CACNA2D3: variants seen among roughly 807,000 people sequenced by gnomAD.
CACNA2D3 encodes calcium voltage-gated channel auxiliary subunit alpha2delta 3.
Under a neutral mutation model 160.6 loss-of-function variants are expected in CACNA2D3, and 60 were observed. The ratio of observed to expected loss-of-function variants is 0.37; its 90% CI spans 0.30 to 0.46. CACNA2D3 has a LOEUF of 0.46. CACNA2D3 is among the 20% of genes least tolerant of loss of function. The probability of loss-of-function intolerance (pLI) is 1.00; values close to 1 mark genes in which losing one functional copy is unlikely to be tolerated. For missense variants in CACNA2D3, 1,205 were observed against 1,365.0 expected, an observed-to-expected ratio of 0.88 and a Z score of 1.85; for synonymous variants, 558 against 492.9, an observed-to-expected ratio of 1.13 and a Z score of -1.75.
intron 15 of CACNA2D3, among the ~76,000 whole-genome samples, chr3:54,837,498 G>A (rs949044002): frequency 6.6e-6 from 1 of 152,066 alleles, no homozygotes; most frequent in African/African-American, 2.4e-5. Context: ...CCATGATTAT[G>A]GTGCACTGAC....
intron 11 of CACNA2D3, among the ~76,000 whole-genome samples, chr3:54,722,603 G>GTGCT (rs1028740927): frequency 6.6e-6 from 1 of 152,074 alleles, no homozygotes; most frequent in African/African-American, 2.4e-5. Context: ...TTGAGGGGAT[G>GTGCT]TGCTATTCCT....
chr3:54,992,558 G>C (rs1340531238), intron 31 of CACNA2D3, among the ~76,000 whole-genome samples: 1 of 152,030 alleles, frequency 6.6e-6, no homozygotes. Flanking sequence ...TGTTTCCTCT[G>C]TTCTTTCTCC....
chr3:54,950,094 G>C (rs777201121), intron 27 of CACNA2D3, among the ~76,000 whole-genome samples: 1 of 152,232 alleles, frequency 6.6e-6, no homozygotes, highest in Non-Finnish European at 1.5e-5. Flanking sequence ...AAAAAAGGGC[G>C]AAGTCTTTTT....
chr3:54,651,086 G>A (rs1699755504), intron 11 of CACNA2D3, among the ~76,000 whole-genome samples: 1 of 152,156 alleles, frequency 6.6e-6, no homozygotes, highest in South Asian at 2.1e-4. Flanking sequence ...CCTTAACCAG[G>A]ATGCAGACAT....
At chr3:54,180,878 C>T (rs1329085045) in intron 2 of CACNA2D3, among the ~76,000 whole-genome samples, 1 of 152,188 alleles carries the variant, frequency 6.6e-6, no homozygotes, top group Admixed American at 6.5e-5. Context: ...CTGTGTCTTG[C>T]TCTCTATATC....
At chr3:54,959,389 C>T (rs1451341610) in intron 27 of CACNA2D3, among the ~76,000 whole-genome samples, 2 of 152,196 alleles carry the variant, frequency 1.3e-5, no homozygotes, top group East Asian at 1.9e-4. Flanking sequence ...ATGAACCTGA[C>T]AGTCAGAAGG....
chr3:54,441,524 C>T lies in CACNA2D3; in HGVS notation c.381+54750C>T, dbSNP rs950357162. On this transcript the variant is annotated intron_variant, in intron 4 of 37. Coordinates refer to ENST00000474759, the MANE Select transcript of CACNA2D3 (RefSeq NM_018398.3). ...CATTTGTCAATTTTGGCTTTTGTTG[C>T]CATTGCTTTTGGTGTTTTAGACATG... Among the ~76,000 whole-genome samples the T allele has an allele frequency of 3.9e-5, 6 of 152,220 alleles. No individual in the cohort carries two copies. In the East Asian group the frequency reaches 1.2e-3, roughly 29 times the overall value.
chr3:54,470,977 A>ATGC (rs1700720221), intron 4 of CACNA2D3, among the ~76,000 whole-genome samples: 1 of 152,176 alleles, frequency 6.6e-6, no homozygotes, highest in African/African-American at 2.4e-5. Flanking sequence ...AGACTTTAAC[A>ATGC]TACCACTGTC....
At chr3:54,124,068 C>G (rs1314684317) in intron 2 of CACNA2D3, among the ~76,000 whole-genome samples, 1 of 152,194 alleles carries the variant, frequency 6.6e-6, no homozygotes, top group African/African-American at 2.4e-5. Context: ...CCATTATTCC[C>G]CAATCATCTA....
At chr3:54,256,814 C>T (rs2107433933) in intron 2 of CACNA2D3, among the ~76,000 whole-genome samples, 1 of 149,974 alleles carries the variant, frequency 6.7e-6, no homozygotes, top group East Asian at 2.0e-4. Context: ...GAGCTGTCTT[C>T]TTTCCAGTGC....
chr3:54,545,828 AC>A (rs1702054797), intron 5 of CACNA2D3, among the ~76,000 whole-genome samples: 1 of 152,154 alleles, frequency 6.6e-6, no homozygotes, highest in African/African-American at 2.4e-5. Context: ...ATGTTTGGTG[AC>A]CTTATCTTCT....
chr3:55,044,193 G>A lies in CACNA2D3; in HGVS notation c.2987+25876G>A, dbSNP rs904445577. ...ACTGGGTTGATTATATAGCTCAGCT[G>A]GGGAGCCCTGACATCTTAACACAAC... On this transcript the variant is annotated intron_variant, in intron 35 of 37. Coordinates refer to ENST00000474759, the MANE Select transcript of CACNA2D3 (RefSeq NM_018398.3). Among the ~76,000 whole-genome samples the A allele has an allele frequency of 3.3e-5, 5 of 152,262 alleles. No homozygotes were observed. The South Asian group carries it at 6.2e-4, about 19-fold the overall frequency.
intron 11 of CACNA2D3, among the ~76,000 whole-genome samples, chr3:54,685,464 G>A (rs959997262): frequency 6.6e-6 from 1 of 152,198 alleles, no homozygotes; most frequent in African/African-American, 2.4e-5. Context: ...GCTATAGTTT[G>A]CCAATCCCTG....
intron 20 of CACNA2D3, 95 bp from the exon 21 acceptor site, chr3:54,880,701 G>A: frequency 9.3e-7 from 1 of 1,073,090 alleles, no homozygotes; most frequent in East Asian, 2.4e-5. Context: ...TCATAAAATG[G>A]AAATGTGAAA....
chr3:55,004,991 T>A (rs1247325529), intron 32 of CACNA2D3, among the ~76,000 whole-genome samples, 153 bp downstream of exon 32: 1 of 151,528 alleles, frequency 6.6e-6, no homozygotes, highest in Non-Finnish European at 1.5e-5. Flanking sequence ...AAAAAACACT[T>A]CAGGCCGGGC....
chr3:54,342,534 A>C (rs1253692903), intron 3 of CACNA2D3, among the ~76,000 whole-genome samples: 1 of 152,130 alleles, frequency 6.6e-6, no homozygotes, highest in African/African-American at 2.4e-5. Context: ...TCCCGGGTAC[A>C]GTGTGATTGG....
At chr3:55,069,329 TAAGA>T (rs1030771235) in intron 35 of CACNA2D3, among the ~76,000 whole-genome samples, 2 of 152,184 alleles carry the variant, frequency 1.3e-5, no homozygotes, top group Admixed American at 1.3e-4. Flanking sequence ...AAAAGTTAAT[TAAGA>T]GAGAAATGAC....
chr3:54,465,688 T>C (rs1489639111), intron 4 of CACNA2D3, among the ~76,000 whole-genome samples: 1 of 152,194 alleles, frequency 6.6e-6, no homozygotes, highest in Non-Finnish European at 1.5e-5. Flanking sequence ...GTAATTGGCA[T>C]TGAAAGAAAT....
intron 3 of CACNA2D3, among the ~76,000 whole-genome samples, chr3:54,322,873 A>T (rs1455627010): frequency 2.0e-5 from 3 of 152,194 alleles, no homozygotes; most frequent in Non-Finnish European, 2.9e-5. Context: ...GAAGAAAAAA[A>T]TAAGTTGCTC....
Sources: allele counts gnomAD v4.1 joint callset (sites outside exome capture counted in the v4.1 genomes callset), GRCh38; gene constraint gnomAD v4.1.1; transcripts MANE v1.5; gene names NCBI Gene and HGNC (gene_info 2026-07-23, HGNC 2026-07-21).